MDGA2: variants seen among roughly 807,000 people sequenced by gnomAD.
The protein encoded by MDGA2 is MAM domain-containing glycosylphosphatidylinositol anchor protein 2.
MDGA2 carries 40 observed loss-of-function variants against 117.8 expected under a neutral mutation model. That is an observed-to-expected ratio of 0.34 (90% CI 0.26 to 0.44). The LOEUF (loss-of-function observed/expected upper bound fraction) is 0.44. Ranked by LOEUF, MDGA2 falls within the 20% of genes least tolerant of loss-of-function variation. MDGA2 has a pLI of 1.00. For synonymous variants in MDGA2, 452 were observed against 439.0 expected (o/e 1.03, Z -0.37); for missense variants, 1,123 against 1,250.6 (o/e 0.90, Z 1.54).
chr14:46,861,333 G>A (rs1356473235), intron 14 of MDGA2, among the ~76,000 whole-genome samples: 3 of 151,584 alleles, frequency 2.0e-5, no homozygotes, highest in Admixed American at 6.6e-5. Context: ...GTAATTATAG[G>A]GTATCGTGCC....
rs1453309718 is a variant in MDGA2, at chr14:46,884,968, C to A, written c.2239-2747G>T. 6.6e-6 allele frequency among the ~76,000 whole-genome samples: 1 copy of A among 151,706 alleles called. No homozygotes were observed. The highest frequency in any genetic ancestry group is 2.4e-5 in the African/African-American group (1 of 41,246). On this transcript the variant is annotated intron_variant, in intron 10 of 16. Transcript: ENST00000399232. The surrounding 1 kb of genome is among the most constrained non-coding windows in gnomAD (Gnocchi z 4.1). ...TTCAAGCAATTCTCCTGCCTCGGCCCCCTGAGTAAATGGAATTACAGGCAT... is the reference window on the plus strand; with the variant it reads ...TTCAAGCAATTCTCCTGCCTCGGCCACCTGAGTAAATGGAATTACAGGCAT...
intron 8 of MDGA2, among the ~76,000 whole-genome samples, chr14:47,009,481 T>C (rs1360206695): frequency 6.6e-6 from 1 of 152,056 alleles, no homozygotes; most frequent in Non-Finnish European, 1.5e-5. Flanking sequence ...TGGTTCCCAA[T>C]TATTAAAATT....
At chr14:47,656,346 A>T (rs1897743939) in intron 1 of MDGA2, among the ~76,000 whole-genome samples, 1 of 152,138 alleles carries the variant, frequency 6.6e-6, no homozygotes, top group Admixed American at 6.5e-5. Context: ...AGTCCTGTCT[A>T]ACCACCAAGT....
intron 1 of MDGA2, among the ~76,000 whole-genome samples, chr14:47,528,341 C>T (rs1895016925): frequency 6.6e-6 from 1 of 152,196 alleles, no homozygotes; most frequent in Non-Finnish European, 1.5e-5. Context: ...AAAACAAACT[C>T]TGTTCTGCCC....
chr14:46,857,658 T>A (rs889895806), intron 14 of MDGA2, among the ~76,000 whole-genome samples: 1 of 152,108 alleles, frequency 6.6e-6, no homozygotes, highest in Non-Finnish European at 1.5e-5. Context: ...TTATTTTATC[T>A]TATTCTTTTT....
Position 47,072,245 on chromosome 14 carries a change from T to C in MDGA2, c.1196-10667A>G, listed in dbSNP as rs546282899. 7.2e-5 allele frequency among the ~76,000 whole-genome samples: 11 copies of C among 152,102 alleles called. No individual in the cohort carries two copies. The South Asian group carries it at 1.7e-3, about 23-fold the overall frequency. ...GACCTAGACTCTGTAGTGAGGTAGATAGAAGAATACATGTGGATAGAGACA... is the reference window on the plus strand; with the variant it reads ...GACCTAGACTCTGTAGTGAGGTAGACAGAAGAATACATGTGGATAGAGACA... On this transcript the variant is annotated intron_variant, in intron 6 of 16. Transcript: ENST00000399232.
chr14:47,087,167 G>A (rs1890930746), intron 6 of MDGA2, among the ~76,000 whole-genome samples: 1 of 151,998 alleles, frequency 6.6e-6, no homozygotes, highest in African/African-American at 2.4e-5. Context: ...AAAGACATGT[G>A]ACCTCCTGCA....
intron 1 of MDGA2, among the ~76,000 whole-genome samples, chr14:47,473,552 TA>T (rs918383861): frequency 3.3e-5 from 5 of 151,936 alleles, no homozygotes; most frequent in Non-Finnish European, 7.4e-5. Flanking sequence ...CTTTTAAATG[TA>T]AAAAACACTA....
intron 1 of MDGA2, among the ~76,000 whole-genome samples, chr14:47,647,674 G>A (rs1897561735): frequency 1.3e-5 from 2 of 152,080 alleles, no homozygotes; most frequent in South Asian, 4.1e-4. Context: ...CAGGTGGCTT[G>A]CCACTTTTCG....
At chr14:47,282,701 AAAAAAACAAAAAAC>A (rs536420811) in intron 2 of MDGA2, among the ~76,000 whole-genome samples, 2 of 150,870 alleles carry the variant, frequency 1.3e-5, no homozygotes, top group East Asian at 2.0e-4. Flanking sequence ...TGTCTCAAAA[AAAAAAACAAAAAAC>A]AAAAAACAAA....
intron 9 of MDGA2, among the ~76,000 whole-genome samples, chr14:46,940,775 T>C (rs1182403571): frequency 6.6e-6 from 1 of 152,126 alleles, no homozygotes; most frequent in Non-Finnish European, 1.5e-5. Context: ...GAATGTTCAA[T>C]GGTGTACTTA....
At chr14:47,464,100 TAC>T (rs71449610) in intron 1 of MDGA2, among the ~76,000 whole-genome samples, 6,405 of 141,400 alleles carry the variant, frequency 0.045, 178 homozygotes, top group African/African-American at 0.093. Context: ...ACTTACTATG[TAC>T]ACACACACAC....
intron 7 of MDGA2, 47 bp downstream of exon 7, chr14:47,061,202 C>G (rs1370275067): frequency 1.3e-6 from 2 of 1,504,020 alleles, no homozygotes; most frequent in Admixed American, 1.9e-5. Flanking sequence ...AAACTTCAAT[C>G]ATTCTAAATG....
intron 1 of MDGA2, among the ~76,000 whole-genome samples, chr14:47,602,321 G>C (rs1305160623): frequency 1.3e-5 from 2 of 152,072 alleles, no homozygotes; most frequent in East Asian, 1.9e-4. Flanking sequence ...TGCACTAAAA[G>C]CACTAATTAA....
At position 46,936,048 on chromosome 14, in the gene MDGA2, T is replaced by A. The variant is rs548330513; in HGVS notation, c.2090-15888A>T. 3.5e-4 allele frequency among the ~76,000 whole-genome samples: 54 copies of A among 152,256 alleles called. No individual in the cohort carries two copies. The East Asian group carries it at 8.9e-3, about 25-fold the overall frequency. The stretch of plus-strand genomic sequence containing the variant: ...ATTGGGATTGTAGATCCTATTTATA[T>A]AAATACAGTCATACATATATAATTT... On this transcript the variant is annotated intron_variant, in intron 9 of 16. Coordinates refer to ENST00000399232, the MANE Select transcript of MDGA2 (RefSeq NM_001113498.3).
At chr14:47,230,465 T>G (rs1220860262) in intron 2 of MDGA2, among the ~76,000 whole-genome samples, 2 of 151,964 alleles carry the variant, frequency 1.3e-5, no homozygotes, top group Non-Finnish European at 2.9e-5. Context: ...ACAAGTTAAA[T>G]TAAAATGGCT....
chr14:47,175,358 T>G (rs1267906179), intron 3 of MDGA2, among the ~76,000 whole-genome samples: 10 of 151,746 alleles, frequency 6.6e-5, no homozygotes, highest in East Asian at 1.9e-4. Flanking sequence ...AAAGAGAATT[T>G]TAGACCAGTA....
intron 1 of MDGA2, among the ~76,000 whole-genome samples, chr14:47,605,251 A>G (rs1896721409): frequency 6.6e-6 from 1 of 152,192 alleles, no homozygotes; most frequent in South Asian, 2.1e-4. Context: ...TAAATTTTCA[A>G]CGAGACAGAT....
chr14:47,590,594 T>C (rs1896418358), intron 1 of MDGA2, among the ~76,000 whole-genome samples: 1 of 151,996 alleles, frequency 6.6e-6, no homozygotes, highest in Non-Finnish European at 1.5e-5. Flanking sequence ...AGATATCTGA[T>C]AGCACTACAG....
Sources: allele counts gnomAD v4.1 joint callset (sites outside exome capture counted in the v4.1 genomes callset), GRCh38; gene constraint gnomAD v4.1.1; non-coding constraint Gnocchi (gnomAD v3.1); transcripts MANE v1.5; gene names NCBI Gene and HGNC (gene_info 2026-07-23, HGNC 2026-07-21).